MSI2: variants seen among roughly 807,000 people sequenced by gnomAD.
MSI2 encodes the protein musashi RNA binding protein 2, also known as RNA-binding protein Musashi homolog 2.
In MSI2, 17 loss-of-function variants were observed where a neutral mutation model predicts 45.6. That is an observed-to-expected ratio of 0.37 (90% CI 0.26 to 0.56). The LOEUF is 0.56. MSI2 is among the 20% of genes least tolerant of loss of function. The pLI, the probability that MSI2 is intolerant of heterozygous loss-of-function variation, is 0.77. For missense variants in MSI2, 293 were observed against 444.2 expected (o/e 0.66, Z 3.06); for synonymous variants, 156 against 158.2 (o/e 0.99, Z 0.11).
At chr17:57,333,067 T>C (rs1914400460) in intron 5 of MSI2, among the ~76,000 whole-genome samples, 1 of 152,142 alleles carries the variant, frequency 6.6e-6, no homozygotes, top group African/African-American at 2.4e-5. Context: ...AAGAGTCAGA[T>C]GCCAGGGCTC....
chr17:57,301,435 G>A (rs1034683594), intron 5 of MSI2, among the ~76,000 whole-genome samples: 4 of 152,210 alleles, frequency 2.6e-5, no homozygotes, highest in Non-Finnish European at 5.9e-5. Flanking sequence ...AGATCTCCGT[G>A]TAAATAGGAA....
chr17:57,412,971 T>A (rs1305514598), intron 6 of MSI2, among the ~76,000 whole-genome samples: 1 of 152,232 alleles, frequency 6.6e-6, no homozygotes, highest in African/African-American at 2.4e-5. Flanking sequence ...TCATGAGGAT[T>A]AAATGAGCTA....
intron 8 of MSI2, chr17:57,608,348 G>C (rs35595363): frequency 0.021 from 3,157 of 152,452 alleles, 48 homozygotes; most frequent in Middle Eastern, 0.034. Flanking sequence ...TTAGAACTGA[G>C]TAGAGGTGAC....
At chr17:57,605,992 G>A (rs972976762) in intron 8 of MSI2, among the ~76,000 whole-genome samples, 2 of 152,214 alleles carry the variant, frequency 1.3e-5, no homozygotes, top group Non-Finnish European at 2.9e-5. Flanking sequence ...AAGGAGGACA[G>A]CTGCTGCTGC....
intron 5 of MSI2, among the ~76,000 whole-genome samples, chr17:57,377,205 C>G (rs2083515452): frequency 1.3e-5 from 2 of 152,330 alleles, no homozygotes. Flanking sequence ...CAGGCGTGAG[C>G]CACCGTGCCC....
chr17:57,516,360 C>T (rs1183598686), intron 6 of MSI2, among the ~76,000 whole-genome samples: 1 of 152,134 alleles, frequency 6.6e-6, no homozygotes, highest in African/African-American at 2.4e-5. Context: ...AGTTGTGCAC[C>T]AGTTGTGTAC....
chr17:57,620,226 T>A (rs919418163), intron 9 of MSI2, among the ~76,000 whole-genome samples: 29 of 152,208 alleles, frequency 1.9e-4, no homozygotes, highest in Admixed American at 1.8e-3. Flanking sequence ...GCCTCTCTAT[T>A]CTTCATTTAT....
chr17:57,424,166 G>C (rs1207724905), intron 6 of MSI2, among the ~76,000 whole-genome samples: 1 of 152,230 alleles, frequency 6.6e-6, no homozygotes, highest in African/African-American at 2.4e-5. Flanking sequence ...TGGAAAGAGA[G>C]AGCCCTGTGT....
chr17:57,419,213 G>T (rs1173215313), intron 6 of MSI2, among the ~76,000 whole-genome samples: 62 of 150,262 alleles, frequency 4.1e-4, no homozygotes, highest in African/African-American at 1.5e-3. Context: ...ATAGAGCAAA[G>T]AAGTTCTTAC....
At chr17:57,584,666 T>A (rs1000832643) in intron 7 of MSI2, among the ~76,000 whole-genome samples, 3 of 152,124 alleles carry the variant, frequency 2.0e-5, no homozygotes, top group African/African-American at 4.8e-5. Context: ...GAGAACTTGT[T>A]GGAGAAAGGC....
chr17:57,422,429 C>T (rs1345048258), intron 6 of MSI2, among the ~76,000 whole-genome samples: 4 of 152,146 alleles, frequency 2.6e-5, no homozygotes, highest in East Asian at 1.9e-4. Context: ...CACTGCACTC[C>T]AGCCTGGGTG....
intron 5 of MSI2, among the ~76,000 whole-genome samples, chr17:57,321,732 T>C (rs563877838): frequency 6.6e-6 from 1 of 152,234 alleles, no homozygotes; most frequent in East Asian, 1.9e-4. Flanking sequence ...ATTTTTTCAG[T>C]CTTGGGAAAC....
chr17:57,452,833 T>A (rs1417885506), intron 6 of MSI2, among the ~76,000 whole-genome samples: 1 of 152,002 alleles, frequency 6.6e-6, no homozygotes, highest in Non-Finnish European at 1.5e-5. Context: ...GTCTTACAGG[T>A]GAGGACTTGG....
At chr17:57,515,278 G>C (rs1031494754) in intron 6 of MSI2, among the ~76,000 whole-genome samples, 10 of 152,158 alleles carry the variant, frequency 6.6e-5, no homozygotes, top group African/African-American at 2.2e-4. Context: ...ATCTCGGCTC[G>C]CCGCAACCTC....
intron 7 of MSI2, among the ~76,000 whole-genome samples, chr17:57,531,245 T>C (rs144040253): frequency 2.0e-5 from 3 of 152,268 alleles, no homozygotes; most frequent in African/African-American, 7.2e-5. Flanking sequence ...TTGGGAAAAA[T>C]CACTTAACTT....
rs568834892 is a variant in MSI2 at position 57,439,537 on chromosome 17, G to A, written c.405+38066G>A. On this transcript the variant is annotated intron_variant, in intron 6 of 13. Transcript: ENST00000284073. Reference sequence around the variant, plus strand: ...GATGGCATTGCAGGTCCTGTGCCAGGCACTGGGGAGATAGGCTTTGTCTTT... The same window carrying A: ...GATGGCATTGCAGGTCCTGTGCCAGACACTGGGGAGATAGGCTTTGTCTTT... Among the ~76,000 whole-genome samples the A allele has an allele frequency of 1.6e-3, 244 of 151,802 alleles. 1 individual carries two copies. Among genetic ancestry groups the A allele is most frequent in the African/African-American group, 5.5e-3 (228 of 41,388 alleles).
chr17:57,674,863 A>G, intron 11 of MSI2, 109 bp from the exon 12 acceptor site: 4 of 1,479,796 alleles, frequency 2.7e-6, no homozygotes, highest in Admixed American at 2.0e-5. Context: ...GCTTGTAATG[A>G]CCGGTGCATG....
At chr17:57,304,512 T>A in intron 5 of MSI2, among the ~76,000 whole-genome samples, 1 of 139,184 alleles carries the variant, frequency 7.2e-6, no homozygotes, top group Admixed American at 7.2e-5. Flanking sequence ...AGCCTCCACC[T>A]CCCCGGTTCA....
chr17:57,381,580 G>A (rs751094089), intron 5 of MSI2, among the ~76,000 whole-genome samples: 1 of 152,190 alleles, frequency 6.6e-6, no homozygotes, highest in Non-Finnish European at 1.5e-5. Flanking sequence ...GGACAAGACT[G>A]TCGGTGTCAC....
Sources: allele counts gnomAD v4.1 joint callset (sites outside exome capture counted in the v4.1 genomes callset), GRCh38; gene constraint gnomAD v4.1.1; transcripts MANE v1.5; gene names NCBI Gene and HGNC (gene_info 2026-07-23, HGNC 2026-07-21).